The following SLC27A5 variants were observed in gnomAD, a reference collection of about 807,000 sequenced individuals.
SLC27A5 encodes long-chain fatty acid transport protein 5.
In SLC27A5, 47 loss-of-function variants were observed where a neutral mutation model predicts 63.1. The ratio of observed to expected loss-of-function variants is 0.74; its 90% confidence interval spans 0.59 to 0.95. SLC27A5 has a LOEUF of 0.95. Among genes scored for constraint, SLC27A5 ranks in the 40% least tolerant of loss-of-function variants. The probability of loss-of-function intolerance (pLI) is 0.00; values close to 1 mark genes in which losing one functional copy is unlikely to be tolerated. For missense variants in SLC27A5, 940 were observed against 921.0 expected, an observed-to-expected ratio of 1.02 and a Z score of -0.27; for synonymous variants, 391 against 403.8, an observed-to-expected ratio of 0.97 and a Z score of 0.38.
intron 2 of SLC27A5, 113 bp downstream of exon 2, chr19:58,510,608 A>G: frequency 5.2e-6 from 5 of 956,112 alleles, no homozygotes; most frequent in Non-Finnish European, 7.5e-6. Flanking sequence ...AACAAATGTC[A>G]AAATCAGAGG....
intron 3 of SLC27A5, among the ~76,000 whole-genome samples, chr19:58,504,573 TGGGGGGGG>T (rs57027973): frequency 1.6e-5 from 1 of 62,068 alleles, no homozygotes. Context: ...GATTGAACCC[TGGGGGGGG>T]GGGGGGGGCG....
At chr19:58,504,477 T>A (rs899083419) in intron 3 of SLC27A5, among the ~76,000 whole-genome samples, 4 of 149,088 alleles carry the variant, frequency 2.7e-5, no homozygotes, top group Admixed American at 2.0e-4. Context: ...GGCGAAACCC[T>A]GTCTCTACTA....
intron 3 of SLC27A5, among the ~76,000 whole-genome samples, chr19:58,506,130 T>A (rs2053344226): frequency 1.3e-5 from 2 of 151,924 alleles, no homozygotes; most frequent in South Asian, 4.1e-4. Context: ...TCTCACTATG[T>A]TGCCCAGGCT....
chr19:58,505,582 G>T (rs540393837), intron 3 of SLC27A5, among the ~76,000 whole-genome samples: 3 of 149,248 alleles, frequency 2.0e-5, no homozygotes, highest in Admixed American at 2.0e-4. Flanking sequence ...AGTGGCTCAC[G>T]CCTGTAATCC....
At chr19:58,500,976 A>G in intron 4 of SLC27A5, 1 of 1,331,916 alleles carries the variant, frequency 7.5e-7, no homozygotes, top group Non-Finnish European at 9.6e-7. Flanking sequence ...GGTCTCACCT[A>G]AGAGTAGTTA....
intron 3 of SLC27A5, among the ~76,000 whole-genome samples, chr19:58,504,948 G>A (rs1304239532): frequency 6.6e-6 from 1 of 150,824 alleles, no homozygotes; most frequent in African/African-American, 2.4e-5. Flanking sequence ...GGAGCTTGCC[G>A]TGAGCAGAGA....
chr19:58,510,588 C>G (rs374593011), intron 2 of SLC27A5, 133 bp downstream of exon 2: 2 of 842,982 alleles, frequency 2.4e-6, no homozygotes, highest in Non-Finnish European at 3.5e-6. Flanking sequence ...AAAAAAACAG[C>G]CAAACAAAAA....
chr19:58,499,506 G>A lies in SLC27A5; in HGVS notation c.1653C>T (p.Leu551=). The A allele has an allele frequency of 6.2e-7, 1 of 1,613,026 alleles. No individual in the cohort carries two copies. Among genetic ancestry groups the A allele is most frequent in the East Asian group, 2.2e-5 (1 of 44,874 alleles). ...REGFLYFRDR[L]GDTFRWKGEN... ...CTGCCTCGGACCGGAAGGTGTCCCC[G>A]AGGCGGTCGCGGAAGTAGAGGAAGC... Residue 551 remains leucine, a synonymous_variant, in exon 7 of 10, where the codon CTC becomes CTT. Transcript: ENST00000263093.
chr19:58,506,464 G>A (rs145723071), intron 3 of SLC27A5, among the ~76,000 whole-genome samples: 216 of 152,238 alleles, frequency 1.4e-3, no homozygotes, highest in African/African-American at 4.9e-3. Flanking sequence ...GCTTGAACCC[G>A]GGAGGCAGAG....
chr19:58,499,082 C>A (rs368570614), intron 8 of SLC27A5, 41 bp downstream of exon 8: 1,028 of 1,610,806 alleles, frequency 6.4e-4, no homozygotes, highest in Non-Finnish European at 8.2e-4. Flanking sequence ...ACCCCTCCAC[C>A]CACAAAGCTG....
At position 58,500,436 on chromosome 19, in the gene SLC27A5, T is replaced by G. The variant is rs757680162; in HGVS notation, c.1378-7A>C. On this transcript the variant is annotated splice_region_variant and splice_polypyrimidine_tract_variant and intron_variant, in intron 5 of 9. Coordinates refer to ENST00000263093, the MANE Select transcript of SLC27A5 (RefSeq NM_012254.3). ...GCTCAAAGGGGGACAGCATCTGGGG[T>G]GGAGGGTGGAGTGTTGACATAGGTC... 9.3e-6 allele frequency: 15 copies of G among 1,613,398 alleles called. No individual in the cohort carries two copies. The African/African-American group carries it at 1.9e-4, about 20-fold the overall frequency.
rs761880714 is a variant in SLC27A5 at position 58,499,574 on chromosome 19, C to G, written c.1585G>C (p.Val529Leu). 2.1e-5 allele frequency: 34 copies of G among 1,613,020 alleles called. No individual in the cohort carries two copies. The highest frequency in any genetic ancestry group is 2.9e-5 in the Non-Finnish European group (34 of 1,180,008). ...AGTACGTCCCCGGTGTTGTAGTAAA[C>G]GTCGCCCGATTGCCGCACGTTGCGC... is the stretch of plus-strand genomic sequence containing the variant. ...LVRNVRQSGD[V>L]YYNTGDVLAM... Residue 529 changes from valine to leucine, a missense_variant, in exon 7 of 10, where the codon GTT becomes CTT. Transcript: ENST00000263093.
chr19:58,498,635 C>T lies in SLC27A5; in HGVS notation c.1953G>A (p.Glu651=). 1 of 1,614,168 alleles carries T rather than the reference C, an allele frequency of 6.2e-7. No homozygotes were observed. Among genetic ancestry groups the T allele is most frequent in the South Asian group, 1.1e-5 (1 of 91,080 alleles). Reference sequence around the variant, plus strand: ...CAACCACGATCCCCACATTGAAGCCCTCACGCACCAACCGGGTCTTCATCA... The same window carrying T: ...CAACCACGATCCCCACATTGAAGCCTTCACGCACCAACCGGGTCTTCATCA... ...FKLMKTRLVR[E]GFNVGIVVDP... The change falls in exon 10 of 10, where the codon GAG becomes GAA. Residue 651 remains glutamate (E), a synonymous_variant. Transcript: ENST00000263093.
At chr19:58,503,524 G>GT (rs1364866260) in intron 3 of SLC27A5, among the ~76,000 whole-genome samples, 1 of 151,906 alleles carries the variant, frequency 6.6e-6, no homozygotes, top group Non-Finnish European at 1.5e-5. Context: ...TTAGCCAGGC[G>GT]TGGTGGCGCA....
intron 3 of SLC27A5, among the ~76,000 whole-genome samples, chr19:58,505,477 C>T (rs2053334491): frequency 1.3e-5 from 2 of 151,734 alleles, no homozygotes; most frequent in African/African-American, 4.8e-5. Context: ...AGGTGATCCA[C>T]CAGACTCATC....
rs778374586 is a variant in SLC27A5, at chr19:58,500,655, G to A, written c.1234C>T (p.Arg412Trp). The change falls in exon 5 of 10, where the codon CGG (arginine) becomes TGG (tryptophan). Residue 412 changes from arginine to tryptophan, a missense_variant. By Grantham distance (101) the Arg-to-Trp change is moderately radical (BLOSUM62 -3). Transcript: ENST00000263093. ...TVRLAMGNGL[R>W]ADVWETFQQR... is the part of the protein sequence containing the mutation. ...TGGAAGGTCTCCCACACATCAGCCC[G>A]TAGTCCATTGCCCATTGCCAGGCGG... The A allele has an allele frequency of 1.4e-5, 23 of 1,614,016 alleles. No individual in the cohort carries two copies. The highest frequency in any genetic ancestry group is 1.6e-4 in the Middle Eastern group (1 of 6,084).
In SLC27A5 at chr19:58,499,540, T is replaced by C. The variant is rs1165498418; in HGVS notation, c.1619A>G (p.Asp540Gly). 3 of 1,612,516 alleles carry C rather than the reference T, an allele frequency of 1.9e-6. No individual in the cohort carries two copies. Among genetic ancestry groups the C allele is most frequent in the African/African-American group, 1.3e-5 (1 of 74,682 alleles). Residue 540 changes from aspartate to glycine, a missense_variant, in exon 7 of 10, where the codon GAC becomes GGC. Physicochemically the swap from Asp to Gly is moderately conservative, Grantham distance 94 (BLOSUM62 -1). Transcript: ENST00000263093. ...YYNTGDVLAM[D>G]REGFLYFRDR... ...GCGGAAGTAGAGGAAGCCTTCGCGG[T>C]CCATGGCCAGTACGTCCCCGGTGTT...
In SLC27A5 at chr19:58,499,589, G is replaced by T. The variant is rs890986515; in HGVS notation, c.1570C>A (p.Arg524=). ...LSERKLVRNV[R]QSGDVYYNTG... ...TTGTAGTAAACGTCGCCCGATTGCC[G>T]CACGTTGCGCACCAGCTTCCGTTCC... Residue 524 remains arginine, a synonymous_variant, in exon 7 of 10, where the codon CGG becomes AGG. Transcript: ENST00000263093. The T allele has an allele frequency of 1.2e-6, 2 of 1,613,042 alleles. No individual in the cohort carries two copies. Among genetic ancestry groups the T allele is most frequent in the East Asian group, 2.2e-5 (1 of 44,862 alleles).
intron 8 of SLC27A5, 88 bp downstream of exon 8, chr19:58,499,035 G>A (rs999768492): frequency 6.3e-7 from 1 of 1,598,760 alleles, no homozygotes; most frequent in Non-Finnish European, 8.5e-7. Flanking sequence ...ACCTCTCTGG[G>A]CCCTAGCACT....
Sources: allele counts gnomAD v4.1 joint callset (sites outside exome capture counted in the v4.1 genomes callset), GRCh38; gene constraint gnomAD v4.1.1; transcripts MANE v1.5; gene names NCBI Gene and HGNC (gene_info 2026-07-23, HGNC 2026-07-21).